STXBP5L: variants seen among roughly 807,000 people sequenced by gnomAD.
STXBP5L encodes the protein syntaxin-binding protein 5-like.
A neutral mutation model predicts 144.5 loss-of-function variants in STXBP5L; 65 were observed. That is an observed-to-expected ratio of 0.45 (90% CI 0.37 to 0.55). The LOEUF (loss-of-function observed/expected upper bound fraction) is 0.55. Among genes scored for constraint, STXBP5L ranks in the 20% least tolerant of loss-of-function variants. The pLI, the probability that STXBP5L is intolerant of heterozygous loss-of-function variation, is 0.00. For missense variants in STXBP5L, 1,298 were observed against 1,405.5 expected (o/e 0.92, Z 1.22); for synonymous variants, 505 against 469.6 (o/e 1.08, Z -0.97).
At chr3:121,019,244 C>T (rs1326794104) in intron 3 of STXBP5L, among the ~76,000 whole-genome samples, 3 of 152,316 alleles carry the variant, frequency 2.0e-5, no homozygotes, top group Non-Finnish European at 4.4e-5. Context: ...AGTCTGAGCT[C>T]AGACATGCCT....
intron 20 of STXBP5L, among the ~76,000 whole-genome samples, chr3:121,368,952 C>T (rs557597363): frequency 5.5e-4 from 83 of 152,210 alleles, no homozygotes; most frequent in African/African-American, 2.0e-3. Flanking sequence ...AGGGTAAGTG[C>T]AACAACAATG....
intron 18 of STXBP5L, among the ~76,000 whole-genome samples, chr3:121,262,618 A>G (rs999855286): frequency 1.3e-5 from 2 of 152,100 alleles, no homozygotes; most frequent in African/African-American, 2.4e-5. Flanking sequence ...GTGAAACTCC[A>G]TCTCAAAAAA....
intron 10 of STXBP5L, among the ~76,000 whole-genome samples, chr3:121,210,488 G>A (rs2048517809): frequency 6.6e-6 from 1 of 152,134 alleles, no homozygotes; most frequent in South Asian, 2.1e-4. Context: ...TGGTGTTTTA[G>A]ACATGAAGTC....
At chr3:121,093,302 G>A (rs2042924099) in intron 5 of STXBP5L, among the ~76,000 whole-genome samples, 1 of 152,136 alleles carries the variant, frequency 6.6e-6, no homozygotes, top group South Asian at 2.1e-4. Flanking sequence ...GAGTTAGGGA[G>A]GATTCCCTCT....
chr3:121,354,852 G>A (rs924720058), intron 20 of STXBP5L, among the ~76,000 whole-genome samples: 8 of 152,110 alleles, frequency 5.3e-5, no homozygotes, highest in African/African-American at 4.8e-5. Context: ...TCCATGTTTA[G>A]TACTTCCTTC....
chr3:120,964,914 TTGTA>T (rs1244084047), intron 3 of STXBP5L, among the ~76,000 whole-genome samples: 1 of 152,136 alleles, frequency 6.6e-6, no homozygotes, highest in Non-Finnish European at 1.5e-5. Flanking sequence ...CTAAGTCTCT[TTGTA>T]TGTCTCTAAG....
chr3:120,993,615 A>G lies in STXBP5L; in HGVS notation c.287+38578A>G, dbSNP rs147816676. Among the ~76,000 whole-genome samples, 816 of 152,112 alleles carry G rather than the reference A, an allele frequency of 5.4e-3. 3 individuals are homozygous for G. The highest frequency in any genetic ancestry group is 0.014 in the Middle Eastern group (4 of 294). On this transcript the variant is annotated intron_variant, in intron 3 of 26. Transcript: ENST00000471454. ...TGCACCAAATGAGTTGGTTGTAAAT[A>G]TGTGGATTTATTTGTGAATTCTGTG...
At chr3:121,380,109 C>A (rs1401267061) in intron 21 of STXBP5L, among the ~76,000 whole-genome samples, 1 of 152,050 alleles carries the variant, frequency 6.6e-6, no homozygotes, top group Non-Finnish European at 1.5e-5. Flanking sequence ...CCACAACCAG[C>A]CAGAAGTAGC....
intron 5 of STXBP5L, among the ~76,000 whole-genome samples, chr3:121,102,138 A>C (rs941613659): frequency 7.9e-5 from 12 of 152,110 alleles, no homozygotes; most frequent in African/African-American, 2.9e-4. Flanking sequence ...CATACTTCCC[A>C]AAGCAATGTA....
intron 19 of STXBP5L, among the ~76,000 whole-genome samples, chr3:121,307,342 G>A (rs1434082393): frequency 6.6e-6 from 1 of 152,158 alleles, no homozygotes; most frequent in East Asian, 1.9e-4. Flanking sequence ...CCAGATGTTG[G>A]ATTGAACAGA....
intron 3 of STXBP5L, among the ~76,000 whole-genome samples, chr3:121,032,834 C>T (rs1342696340): frequency 1.6e-5 from 1 of 61,796 alleles, no homozygotes; most frequent in African/African-American, 6.6e-5. Context: ...CTCATCATCA[C>T]TGGCCATCAG....
intron 17 of STXBP5L, 89 bp downstream of exon 17, chr3:121,257,422 TATC>T: frequency 8.0e-7 from 1 of 1,249,336 alleles, no homozygotes; most frequent in Non-Finnish European, 1.1e-6. Context: ...TTTCTCTTAT[TATC>T]AAGCTATTGT....
intron 9 of STXBP5L, among the ~76,000 whole-genome samples, chr3:121,185,124 A>T (rs1275313786): frequency 1.3e-5 from 2 of 152,194 alleles, no homozygotes; most frequent in African/African-American, 2.4e-5. Context: ...TTTAAAGACC[A>T]TCGACACTCT....
intron 20 of STXBP5L, among the ~76,000 whole-genome samples, chr3:121,345,708 G>T (rs890633978): frequency 6.6e-6 from 1 of 151,994 alleles, no homozygotes; most frequent in African/African-American, 2.4e-5. Flanking sequence ...ATTCTAACTG[G>T]CATGAGATGG....
chr3:120,979,198 C>A (rs1300877686), intron 3 of STXBP5L, among the ~76,000 whole-genome samples: 3 of 152,304 alleles, frequency 2.0e-5, no homozygotes, highest in South Asian at 4.1e-4. Context: ...GGTGGGCTTC[C>A]CCCAGTTGGA....
intron 20 of STXBP5L, among the ~76,000 whole-genome samples, chr3:121,348,552 T>A (rs527452802): frequency 6.6e-6 from 1 of 152,082 alleles, no homozygotes; most frequent in Admixed American, 6.6e-5. Context: ...CTCCTTGTAC[T>A]TCTGGTAGAA....
At chr3:120,978,303 C>G (rs1941327862) in intron 3 of STXBP5L, among the ~76,000 whole-genome samples, 1 of 152,140 alleles carries the variant, frequency 6.6e-6, no homozygotes, top group Non-Finnish European at 1.5e-5. Context: ...TTTCATCTTC[C>G]TTTGCTGATA....
intron 3 of STXBP5L, among the ~76,000 whole-genome samples, chr3:121,020,385 G>A (rs1945460041): frequency 6.6e-6 from 1 of 152,142 alleles, no homozygotes; most frequent in South Asian, 2.1e-4. Flanking sequence ...TAGAGATCTA[G>A]ACATCCAAAT....
At chr3:121,051,625 G>C (rs1314636040) in intron 5 of STXBP5L, among the ~76,000 whole-genome samples, 1 of 152,142 alleles carries the variant, frequency 6.6e-6, no homozygotes, top group East Asian at 1.9e-4. Flanking sequence ...ATGCCCACAA[G>C]AGAAAGCAGG....
Sources: allele counts gnomAD v4.1 joint callset (sites outside exome capture counted in the v4.1 genomes callset), GRCh38; gene constraint gnomAD v4.1.1; transcripts MANE v1.5; gene names NCBI Gene and HGNC (gene_info 2026-07-23, HGNC 2026-07-21).